Variants in ABCB7 observed in about 807,000 individuals in gnomAD.
ABCB7 encodes ATP binding cassette subfamily B member 7, also known as iron-sulfur clusters transporter ABCB7, mitochondrial.
A neutral mutation model predicts 54.4 loss-of-function variants in ABCB7; 7 were observed. The observed-to-expected ratio is 0.13, with a 90% CI of 0.07 to 0.24. ABCB7 has a LOEUF of 0.24. ABCB7 is among the 10% of genes least tolerant of loss of function. ABCB7 has a pLI of 1.00. For missense variants in ABCB7, 356 were observed against 570.4 expected (o/e 0.62, Z 3.83); for synonymous variants, 218 against 207.1 (o/e 1.05, Z -0.45).
At chrX:75,128,735 A>T in intron 1 of ABCB7, among the ~76,000 whole-genome samples, 1 of 112,316 alleles carries the variant, frequency 8.9e-6, no homozygotes, top group Non-Finnish European at 1.9e-5. Context: ...AAGGAACTTA[A>T]TCAAATTTAC....
chrX:75,091,952 T>C (rs770345827), intron 4 of ABCB7, among the ~76,000 whole-genome samples: 26 of 111,789 alleles, frequency 2.3e-4, no homozygotes, highest in Non-Finnish European at 4.5e-4. Flanking sequence ...AGATACTCCA[T>C]GTTCATGTAT....
At chrX:75,059,543 G>T (rs774190828) in intron 15 of ABCB7, among the ~76,000 whole-genome samples, 1 of 110,638 alleles carries the variant, frequency 9.0e-6, no homozygotes, top group African/African-American at 3.3e-5. Context: ...TTACAGAAAA[G>T]GCTGAATGCA....
intron 12 of ABCB7, among the ~76,000 whole-genome samples, chrX:75,066,909 C>A (rs970733471): frequency 2.7e-5 from 3 of 111,532 alleles, no homozygotes; most frequent in African/African-American, 9.8e-5. Flanking sequence ...GATCCTATAA[C>A]ACTGTAACCA....
intron 4 of ABCB7, among the ~76,000 whole-genome samples, chrX:75,083,760 C>T (rs964952331): frequency 9.1e-6 from 1 of 109,534 alleles, no homozygotes; most frequent in Non-Finnish European, 1.9e-5. Flanking sequence ...CTGGTGAATG[C>T]AGAAACACAA....
In ABCB7 at chrX:75,051,287, T is replaced by C. The variant is rs371407802; in HGVS notation, c.*2083A>G. On this transcript the variant is annotated 3_prime_UTR_variant, in exon 16 of 16. Coordinates refer to ENST00000373394, the MANE Select transcript of ABCB7 (RefSeq NM_001271696.3). ...CATGTTACTTATCAAATTACCTTTA[T>C]ATAGCAAGAGTGGACACCTAAGTTA... Among the ~76,000 whole-genome samples, 41 of 111,767 alleles carry C rather than the reference T, an allele frequency of 3.7e-4. No individual in the cohort carries two copies. Among genetic ancestry groups the C allele is most frequent in the Middle Eastern group, 9.2e-3 (2 of 217 alleles).
intron 9 of ABCB7, among the ~76,000 whole-genome samples, chrX:75,071,083 C>T (rs1360810502): frequency 9.1e-6 from 1 of 109,557 alleles, no homozygotes. Flanking sequence ...GAGGGACAGA[C>T]ATTTACTTTT....
intron 1 of ABCB7, among the ~76,000 whole-genome samples, chrX:75,153,760 G>GTATATATATATATATATATATATA (rs55904708): frequency 5.6e-4 from 53 of 94,130 alleles, no homozygotes; most frequent in African/African-American, 1.7e-3. Flanking sequence ...GTGTGTGTGT[G>GTATATATATATATATATATATATA]TATATATATA....
intron 13 of ABCB7, among the ~76,000 whole-genome samples, chrX:75,062,976 T>C (rs987350444): frequency 2.7e-5 from 3 of 111,400 alleles, no homozygotes; most frequent in Non-Finnish European, 5.7e-5. Flanking sequence ...AGGCATACAC[T>C]AGATATCTTT....
chrX:75,111,864 T>G (rs1346374740), intron 3 of ABCB7, among the ~76,000 whole-genome samples: 2 of 112,214 alleles, frequency 1.8e-5, no homozygotes. Context: ...GCAACTATCC[T>G]TAAGAGGCCT....
At chrX:75,057,195 T>C (rs1276342842) in intron 15 of ABCB7, among the ~76,000 whole-genome samples, 1 of 111,851 alleles carries the variant, frequency 8.9e-6, no homozygotes, top group Non-Finnish European at 1.9e-5. Context: ...CCACATCCCA[T>C]AGGCAGCCAA....
rs745807246 is a variant in ABCB7, at chrX:75,085,121, G to A, written c.454-8467C>T. Among the ~76,000 whole-genome samples the A allele has an allele frequency of 1.2e-4, 13 of 112,112 alleles. No individual in the cohort carries two copies. In the Admixed American group the frequency reaches 1.2e-3, roughly 11 times the overall value. ...TTATTCTAGAGATATGGAAACTCAG[G>A]TTCACACAAAAACCTGTGTCTGAAT... On this transcript the variant is annotated intron_variant, in intron 4 of 15. Transcript: ENST00000373394.
In ABCB7 at chrX:75,114,795, A is replaced by G. The variant is rs1266275802; in HGVS notation, c.205T>C (p.Leu69=). The G allele has an allele frequency of 1.7e-6, 2 of 1,201,108 alleles. No homozygotes were observed. The highest frequency in any genetic ancestry group is 2.3e-6 in the Non-Finnish European group (2 of 888,558). ...AACTGTCCTGAATTGCCTTTTCCCA[A>G]TCTCTGCCATGTGATACTTTTTAAT... ...ESLKSITWQR[L]GKGNSGQFLD... The change falls in exon 2 of 16, where the codon TTG becomes CTG. Residue 69 remains leucine, a synonymous_variant. Coordinates refer to ENST00000373394, the MANE Select transcript of ABCB7 (RefSeq NM_001271696.3).
At chrX:75,089,355 T>G (rs938021700) in intron 4 of ABCB7, among the ~76,000 whole-genome samples, 16 of 111,333 alleles carry the variant, frequency 1.4e-4, no homozygotes, top group African/African-American at 5.2e-4. Flanking sequence ...ACAGCAACAA[T>G]GTATTGGTAA....
chrX:75,058,831 A>T (rs1468796202), intron 15 of ABCB7, among the ~76,000 whole-genome samples: 1 of 111,755 alleles, frequency 8.9e-6, no homozygotes, highest in African/African-American at 3.3e-5. Flanking sequence ...AAAGGCTATT[A>T]CTACTTGGCT....
intron 14 of ABCB7, 106 bp downstream of exon 14, chrX:75,062,222 T>C: frequency 1.4e-6 from 1 of 712,091 alleles, no homozygotes; most frequent in Admixed American, 2.7e-5. Flanking sequence ...CTATAGCACT[T>C]ACTATTGAAG....
intron 3 of ABCB7, among the ~76,000 whole-genome samples, chrX:75,109,379 C>T (rs935472011): frequency 1.8e-5 from 2 of 111,538 alleles, no homozygotes; most frequent in South Asian, 3.8e-4. Flanking sequence ...TTCTATTTCT[C>T]GCCAGGAAAG....
intron 1 of ABCB7, among the ~76,000 whole-genome samples, chrX:75,147,343 C>A (rs931996167): frequency 3.6e-5 from 4 of 111,712 alleles, no homozygotes; most frequent in African/African-American, 1.3e-4. Context: ...GAATATAAAT[C>A]ATTCTATTAT....
intron 4 of ABCB7, among the ~76,000 whole-genome samples, chrX:75,095,010 T>C (rs886493488): frequency 2.7e-5 from 3 of 110,491 alleles, no homozygotes; most frequent in African/African-American, 9.9e-5. Flanking sequence ...TAATATCATT[T>C]GTCTTTAAAA....
chrX:75,153,782 T>C (rs2082152825), intron 1 of ABCB7, among the ~76,000 whole-genome samples: 1 of 56,675 alleles, frequency 1.8e-5, no homozygotes, highest in African/African-American at 5.1e-5. Context: ...ATAAAATATA[T>C]ATGTGTGTGT....
Sources: allele counts gnomAD v4.1 joint callset (sites outside exome capture counted in the v4.1 genomes callset), GRCh38; gene constraint gnomAD v4.1.1; transcripts MANE v1.5; gene names NCBI Gene and HGNC (gene_info 2026-07-23, HGNC 2026-07-21).